RYR2: variants seen among roughly 807,000 people sequenced by gnomAD.
RYR2 encodes the protein ryanodine receptor 2, also known as cardiac muscle ryanodine receptor-calcium release channel.
Under a neutral mutation model 601.1 loss-of-function variants are expected in RYR2, and 227 were observed. The observed-to-expected ratio is 0.38, with a 90% CI of 0.34 to 0.42. The LOEUF is 0.42. RYR2 is among the 10% of genes least tolerant of loss of function. RYR2 has a pLI of 1.00. For missense variants in RYR2, 4,646 were observed against 6,156.5 expected, an observed-to-expected ratio of 0.75 and a Z score of 8.21; for synonymous variants, 2,223 against 2,175.1, an observed-to-expected ratio of 1.02 and a Z score of -0.61.
chr1:237,723,230 G>T lies in RYR2; in HGVS notation c.10657G>T (p.Asp3553Tyr). The T allele has an allele frequency of 1.9e-6, 3 of 1,612,224 alleles. No homozygotes were observed. In the Admixed American group the frequency reaches 5.0e-5, roughly 27 times the overall value. The change falls in exon 74 of 105, where the codon GAT (aspartate) becomes TAT (tyrosine). Residue 3553 changes from aspartate to tyrosine, a missense_variant. By Grantham distance (160) the Asp-to-Tyr change is radical (BLOSUM62 -3). Transcript: ENST00000366574. ...DPEKTVERVLDIANVLFHLEQ... is the reference protein window; with the variant it reads ...DPEKTVERVLYIANVLFHLEQ... ...AGAGAAGACGGTAGAAAGAGTATTG[G>T]ATATAGCAAATGTGCTTTTTCATCT...
At chr1:237,237,616 A>G (rs780733576) in intron 1 of RYR2, among the ~76,000 whole-genome samples, 14 of 152,340 alleles carry the variant, frequency 9.2e-5, no homozygotes, top group Non-Finnish European at 1.6e-4. Flanking sequence ...CATGACAGAT[A>G]ACAGGCCCTG....
At chr1:237,477,360 C>T (rs961514963) in intron 17 of RYR2, among the ~76,000 whole-genome samples, 4 of 152,142 alleles carry the variant, frequency 2.6e-5, no homozygotes, top group Non-Finnish European at 5.9e-5. Flanking sequence ...CACTGCATTC[C>T]AGCCTGGTGA....
rs1013333776 is a variant in RYR2, at chr1:237,175,281, G to GT, written c.49-95210dup. On this transcript the variant is annotated intron_variant, in intron 1 of 104. Coordinates refer to ENST00000366574, the MANE Select transcript of RYR2 (RefSeq NM_001035.3). The stretch of plus-strand genomic sequence containing the variant: ...TGTAGTTCTAGAATTCTTTTATGTG[G>GT]TTTTTTAGAGATAATTTCTCCTCTT... Among the ~76,000 whole-genome samples the GT allele has an allele frequency of 5.3e-4, 80 of 152,224 alleles. 1 individual carries two copies. Among genetic ancestry groups the GT allele is most frequent in the Admixed American group, 1.4e-3 (22 of 15,286 alleles).
At chr1:237,141,505 C>G (rs1307947111) in intron 1 of RYR2, among the ~76,000 whole-genome samples, 2 of 152,096 alleles carry the variant, frequency 1.3e-5, no homozygotes, top group Non-Finnish European at 2.9e-5. Flanking sequence ...TTAAATTTAG[C>G]CTTCATGTCT....
chr1:237,740,577 TAAC>T (rs1691522653), intron 79 of RYR2, among the ~76,000 whole-genome samples: 1 of 152,294 alleles, frequency 6.6e-6, no homozygotes, highest in African/African-American at 2.4e-5. Flanking sequence ...TAATCCCAAA[TAAC>T]AATTTGTCTG....
intron 61 of RYR2, among the ~76,000 whole-genome samples, chr1:237,678,465 A>G (rs1014348315): frequency 4.6e-5 from 7 of 152,240 alleles, no homozygotes; most frequent in Admixed American, 1.3e-4. Context: ...TCTTTTATAA[A>G]TAGGAAAGTC....
At chr1:237,050,555 A>T (rs1661128179) in intron 1 of RYR2, among the ~76,000 whole-genome samples, 1 of 152,178 alleles carries the variant, frequency 6.6e-6, no homozygotes, top group African/African-American at 2.4e-5. Context: ...TTGGTATTTT[A>T]AGAGTTTTTG....
chr1:237,615,732 A>C (rs1678394322), intron 37 of RYR2, among the ~76,000 whole-genome samples: 1 of 152,206 alleles, frequency 6.6e-6, no homozygotes. Flanking sequence ...CTCTAAGGAA[A>C]TATACACTCA....
At chr1:237,821,763 A>C (rs1324309100) in intron 101 of RYR2, among the ~76,000 whole-genome samples, 1 of 152,076 alleles carries the variant, frequency 6.6e-6, no homozygotes, top group African/African-American at 2.4e-5. Flanking sequence ...ATTGCAAGGA[A>C]GCTAAGAACT....
At chr1:237,816,487 G>A (rs1197459367) in intron 100 of RYR2, among the ~76,000 whole-genome samples, 1 of 152,050 alleles carries the variant, frequency 6.6e-6, no homozygotes, top group Non-Finnish European at 1.5e-5. Context: ...GGAGTTGTTC[G>A]AGACCAGCCT....
At chr1:237,830,894 G>A (rs904200872) in intron 103 of RYR2, among the ~76,000 whole-genome samples, 5 of 152,132 alleles carry the variant, frequency 3.3e-5, no homozygotes, top group African/African-American at 1.2e-4. Context: ...CTCTGTGGGA[G>A]TCTTGGTCAT....
intron 29 of RYR2, among the ~76,000 whole-genome samples, chr1:237,587,547 CAAT>C (rs1191087707): frequency 6.6e-6 from 1 of 151,886 alleles, no homozygotes; most frequent in African/African-American, 2.4e-5. Context: ...TTCTTTCTTT[CAAT>C]AATAATTACT....
chr1:237,352,612 T>C (rs773031662), intron 3 of RYR2, among the ~76,000 whole-genome samples: 2 of 152,136 alleles, frequency 1.3e-5, no homozygotes, highest in Admixed American at 6.6e-5. Context: ...CAGTTCTAAA[T>C]GAAGAAGAGC....
intron 1 of RYR2, among the ~76,000 whole-genome samples, chr1:237,148,569 T>C (rs1340311462): frequency 7.1e-6 from 1 of 140,672 alleles, no homozygotes; most frequent in Admixed American, 7.0e-5. Flanking sequence ...CACACATATA[T>C]ATATATATAC....
intron 11 of RYR2, among the ~76,000 whole-genome samples, 187 bp downstream of exon 11, chr1:237,417,310 C>T (rs577546387): frequency 6.6e-6 from 1 of 152,112 alleles, no homozygotes; most frequent in Admixed American, 6.5e-5. Context: ...TCCTTAGCCT[C>T]AGTTCACCAG....
intron 56 of RYR2, 52 bp downstream of exon 56, chr1:237,660,999 A>T (rs1274762275): frequency 8.0e-7 from 1 of 1,254,680 alleles, no homozygotes; most frequent in East Asian, 3.1e-5. Flanking sequence ...GGATTAAATA[A>T]TTTTTTAAAT....
chr1:237,580,038 C>G lies in RYR2; in HGVS notation c.3599-9755C>G, dbSNP rs147237994. ...AGTCTTCTCTGATGTGAAGCGTGTG[C>G]TTGTCTGCTGAAAGAACTTAGGCGC... On this transcript the variant is annotated intron_variant, in intron 29 of 104. Coordinates refer to ENST00000366574, the MANE Select transcript of RYR2 (RefSeq NM_001035.3). Among the ~76,000 whole-genome samples the G allele has an allele frequency of 1.2e-4, 18 of 152,170 alleles. 1 individual carries two copies. The East Asian group carries it at 3.5e-3, about 29-fold the overall frequency.
intron 13 of RYR2, among the ~76,000 whole-genome samples, chr1:237,442,841 CAT>C (rs1160157518): frequency 2.0e-5 from 3 of 152,164 alleles, no homozygotes; most frequent in Admixed American, 2.0e-4. Flanking sequence ...CTGCTAGACA[CAT>C]GTGGCAATTT....
chr1:237,681,715 C>T (rs1452221090), intron 62 of RYR2, among the ~76,000 whole-genome samples: 2 of 152,208 alleles, frequency 1.3e-5, no homozygotes, highest in Non-Finnish European at 2.9e-5. Context: ...CCCCTTCCCA[C>T]TTGAACATGG....
Sources: allele counts gnomAD v4.1 joint callset (sites outside exome capture counted in the v4.1 genomes callset), GRCh38; gene constraint gnomAD v4.1.1; transcripts MANE v1.5; gene names NCBI Gene and HGNC (gene_info 2026-07-23, HGNC 2026-07-21).